CSMD2: variants seen among roughly 807,000 people sequenced by gnomAD.
CSMD2 encodes CUB and sushi domain-containing protein 2.
Under a neutral mutation model 398.5 loss-of-function variants are expected in CSMD2, and 130 were observed. The observed-to-expected ratio is 0.33, with a 90% CI of 0.28 to 0.38. The LOEUF is 0.38. Among genes scored for constraint, CSMD2 ranks in the 10% least tolerant of loss-of-function variants. The probability of loss-of-function intolerance (pLI) is 1.00; values close to 1 mark genes in which losing one functional copy is unlikely to be tolerated. For missense variants in CSMD2, 3,829 were observed against 4,764.9 expected, an observed-to-expected ratio of 0.80 and a Z score of 5.78; for synonymous variants, 1,828 against 1,908.5, an observed-to-expected ratio of 0.96 and a Z score of 1.10.
intron 4 of CSMD2, among the ~76,000 whole-genome samples, chr1:33,927,697 T>C (rs570824768): frequency 1.3e-5 from 2 of 152,074 alleles, no homozygotes; most frequent in Non-Finnish European, 2.9e-5. Flanking sequence ...GTTCCTGACA[T>C]GGGCTAGGAG....
At chr1:34,005,489 C>A (rs560736950) in intron 3 of CSMD2, among the ~76,000 whole-genome samples, 1 of 152,220 alleles carries the variant, frequency 6.6e-6, no homozygotes, top group African/African-American at 2.4e-5. Flanking sequence ...GGCTCTACCA[C>A]GCCCAGGCCT....
intron 4 of CSMD2, among the ~76,000 whole-genome samples, chr1:33,924,216 AAAAT>A: frequency 6.6e-6 from 1 of 152,250 alleles, no homozygotes; most frequent in Non-Finnish European, 1.5e-5. Flanking sequence ...CTAAAAAAAA[AAAAT>A]AGAGATGGAG....
intron 15 of CSMD2, among the ~76,000 whole-genome samples, chr1:33,732,536 C>T (rs1335251254): frequency 6.6e-6 from 1 of 152,210 alleles, no homozygotes; most frequent in Non-Finnish European, 1.5e-5. Context: ...AAGTGGGCAT[C>T]TGCAAGCCAA....
At chr1:34,091,006 A>G (rs149352741) in intron 1 of CSMD2, among the ~76,000 whole-genome samples, 1 of 152,278 alleles carries the variant, frequency 6.6e-6, no homozygotes, top group Non-Finnish European at 1.5e-5. Context: ...CTCTCTGCCT[A>G]CAACACTCTT....
At chr1:33,557,241 A>G (rs190901115) in intron 55 of CSMD2, among the ~76,000 whole-genome samples, 1 of 152,156 alleles carries the variant, frequency 6.6e-6, no homozygotes, top group Non-Finnish European at 1.5e-5. Context: ...CTGAGAGGTT[A>G]GTGAATTTTT....
At chr1:34,139,117 G>A (rs1327283587) in intron 1 of CSMD2, among the ~76,000 whole-genome samples, 1 of 152,146 alleles carries the variant, frequency 6.6e-6, no homozygotes, top group Admixed American at 6.5e-5. Flanking sequence ...TCCAAAACTT[G>A]TGCTGAAACT....
Position 34,163,116 on chromosome 1 carries a change from A to C in CSMD2, c.187+1795T>G, listed in dbSNP as rs1641511495. 2.0e-5 allele frequency among the ~76,000 whole-genome samples: 3 copies of C among 152,222 alleles called. No homozygotes were observed. The South Asian group carries it at 6.2e-4, about 31-fold the overall frequency. ...GGCAGGATATGCCCAAGGGGCAGGGACAAATCTAGCCAGAAAAACAATTCA... is the reference window on the plus strand; with the variant it reads ...GGCAGGATATGCCCAAGGGGCAGGGCCAAATCTAGCCAGAAAAACAATTCA... On this transcript the variant is annotated intron_variant, in intron 1 of 70. Coordinates refer to ENST00000373381, the MANE Select transcript of CSMD2 (RefSeq NM_001281956.2). This position sits in a 1 kb window ranked among gnomAD's most constrained non-coding sequence, Gnocchi z 5.4.
At chr1:33,998,607 A>G (rs1646800971) in intron 3 of CSMD2, among the ~76,000 whole-genome samples, 1 of 152,318 alleles carries the variant, frequency 6.6e-6, no homozygotes, top group East Asian at 1.9e-4. Flanking sequence ...GGCAGCCCTC[A>G]GATCCAGTTC....
At position 33,611,150 on chromosome 1, in the gene CSMD2, G is replaced by A. The variant is rs1331598249; in HGVS notation, c.6234C>T (p.Phe2078=). ...GGGAGCTTGGAAGCTCGCTTCCACT[G>A]AATCTTCCCATCATGCGGCTGGTCT... ...PYETSRMMGR[F]SGSELPSSLL... Residue 2078 remains phenylalanine, a synonymous_variant, in exon 41 of 71, where the codon TTC becomes TTT. Transcript: ENST00000373381. 6 of 1,613,992 alleles carry A rather than the reference G, an allele frequency of 3.7e-6. No homozygotes were observed. Among genetic ancestry groups the A allele is most frequent in the African/African-American group, 1.3e-5 (1 of 74,904 alleles).
chr1:33,910,173 G>C (rs1245643145), intron 5 of CSMD2, among the ~76,000 whole-genome samples: 1 of 152,152 alleles, frequency 6.6e-6, no homozygotes, highest in Non-Finnish European at 1.5e-5. Context: ...TTACTTCCCT[G>C]CTTAAAGTCT....
intron 5 of CSMD2, chr1:33,869,234 G>C (rs896159334): frequency 6.6e-6 from 1 of 152,080 alleles, no homozygotes; most frequent in African/African-American, 2.4e-5. Flanking sequence ...GCCAACAAGG[G>C]GATTACCCCT....
chr1:33,906,212 A>G (rs1643079032), intron 5 of CSMD2, among the ~76,000 whole-genome samples: 1 of 152,214 alleles, frequency 6.6e-6, no homozygotes, highest in African/African-American at 2.4e-5. Context: ...AAAATTTAAA[A>G]AAGGAAGTGG....
At position 33,559,188 on chromosome 1, in the gene CSMD2, T is replaced by C. The variant is rs1489160810; in HGVS notation, c.8554+112A>G. ...TGACCCTTCTCTGCTCCATCTTCCC[T>C]ATCTGGATCAGAATGATGCCAGAAT... is the stretch of plus-strand genomic sequence containing the variant. On this transcript the variant is annotated intron_variant, in intron 54 of 70. Coordinates refer to ENST00000373381, the MANE Select transcript of CSMD2 (RefSeq NM_001281956.2). The surrounding 1 kb of genome is among the most constrained non-coding windows in gnomAD (Gnocchi z 4.0). The C allele has an allele frequency of 1.0e-6, 1 of 979,458 alleles. No homozygotes were observed. The highest frequency in any genetic ancestry group is 2.6e-5 in the East Asian group (1 of 37,890). 60.7% of individuals were successfully genotyped at this position (979,458 alleles called of 1,614,324 possible).
At chr1:33,563,371 G>A (rs1297518717) in intron 53 of CSMD2, among the ~76,000 whole-genome samples, 1 of 152,106 alleles carries the variant, frequency 6.6e-6, no homozygotes, top group Non-Finnish European at 1.5e-5. Flanking sequence ...CCATGGGCTG[G>A]GAGAGAGATT....
intron 1 of CSMD2, among the ~76,000 whole-genome samples, chr1:34,120,084 C>G (rs1662014993): frequency 6.6e-6 from 1 of 152,102 alleles, no homozygotes; most frequent in African/African-American, 2.4e-5. Context: ...GAATATTACT[C>G]CACCTTTAAA....
At chr1:34,092,435 C>T (rs532505049) in intron 1 of CSMD2, among the ~76,000 whole-genome samples, 1 of 152,304 alleles carries the variant, frequency 6.6e-6, no homozygotes, top group African/African-American at 2.4e-5. Context: ...CAGCTCCCGT[C>T]CACAGCTCCC....
chr1:34,112,288 T>C (rs538546056), intron 1 of CSMD2, among the ~76,000 whole-genome samples: 1 of 149,732 alleles, frequency 6.7e-6, no homozygotes, highest in African/African-American at 2.6e-5. Flanking sequence ...TAGAAGACAT[T>C]GCCATGGCCA....
At chr1:33,646,973 G>C (rs769145164) in intron 28 of CSMD2, 138 bp from the exon 29 acceptor site, 1 of 791,212 alleles carries the variant, frequency 1.3e-6, no homozygotes, top group Non-Finnish European at 2.0e-6. Context: ...CCTGAAGACT[G>C]GCTGGTGGGA....
intron 27 of CSMD2, among the ~76,000 whole-genome samples, chr1:33,654,924 TG>T (rs1328566125): frequency 6.6e-6 from 1 of 152,246 alleles, no homozygotes; most frequent in Non-Finnish European, 1.5e-5. Flanking sequence ...GTACTATCAG[TG>T]TCTCTGGGTT....
Sources: gnomAD v4.1 joint callset for allele counts (sites outside exome capture counted in the v4.1 genomes callset) on GRCh38, gnomAD v4.1.1 for gene constraint, Gnocchi (gnomAD v3.1) non-coding constraint, MANE v1.5 for transcripts, NCBI Gene and HGNC (gene_info 2026-07-23, HGNC 2026-07-21) for gene names.